Variants in MUC22 observed in about 807,000 individuals in gnomAD.
MUC22 encodes the protein mucin 22.
Under a neutral mutation model 40.3 loss-of-function variants are expected in MUC22, and 24 were observed. The ratio of observed to expected loss-of-function variants is 0.60; its 90% CI spans 0.43 to 0.84. The LOEUF is 0.84. Among genes scored for constraint, MUC22 ranks in the 40% least tolerant of loss-of-function variants. The pLI is 0.00. For synonymous variants in MUC22, 765 were observed against 844.5 expected (o/e 0.91, Z 1.63); for missense variants, 1,926 against 2,130.7 (o/e 0.90, Z 1.89).
At chr6:31,012,439 C>A (rs140166272) in intron 1 of MUC22, among the ~76,000 whole-genome samples, 1 of 152,298 alleles carries the variant, frequency 6.6e-6, no homozygotes, top group East Asian at 1.9e-4. Flanking sequence ...CCAGTCCTAT[C>A]TGTCTGATTT....
intron 1 of MUC22, among the ~76,000 whole-genome samples, chr6:31,016,869 G>A (rs965488630): frequency 6.6e-6 from 1 of 152,162 alleles, no homozygotes; most frequent in Non-Finnish European, 1.5e-5. Context: ...CGTGGCCTCG[G>A]GGGGCCCCAC....
Position 31,011,039 on chromosome 6 carries a change from G to A in MUC22, c.70+263G>A, listed in dbSNP as rs1010034707. Among the ~76,000 whole-genome samples, 2 of 151,988 alleles carry A rather than the reference G, an allele frequency of 1.3e-5. No homozygotes were observed. The highest frequency in any genetic ancestry group is 1.9e-4 in the East Asian group (1 of 5,198). On this transcript the variant is annotated intron_variant, in intron 1 of 3. Transcript: ENST00000561890. The surrounding 1 kb of genome is among the most constrained non-coding windows in gnomAD (Gnocchi z 4.5). Reference sequence around the variant, plus strand: ...AGCACATGTGGTGGGGCGGTGGGGCGGTGCTGGGGAAATGGAGGGGGGTGA... The same window carrying A: ...AGCACATGTGGTGGGGCGGTGGGGCAGTGCTGGGGAAATGGAGGGGGGTGA...
At chr6:31,014,970 AGG>A (rs28381631) in intron 1 of MUC22, among the ~76,000 whole-genome samples, 9,219 of 152,220 alleles carry the variant, frequency 0.061, 350 homozygotes, top group South Asian at 0.12. Context: ...GGCAGAAGAC[AGG>A]AGTGAAGGAA....
chr6:31,026,506 G>A (rs6928038), exon 2 of MUC22: 17,996 of 1,505,848 alleles, frequency 0.012, 2,022 homozygotes, highest in African/African-American at 0.1. Context: ...GACCACTACA[G>A]TCTCTATCAC....
chr6:31,023,379 T>A (rs934223114), intron 1 of MUC22, among the ~76,000 whole-genome samples: 12 of 151,644 alleles, frequency 7.9e-5, no homozygotes, highest in African/African-American at 2.7e-4. Flanking sequence ...TTACAAGAAA[T>A]AAAAATTAAA....
exon 2 of MUC22, chr6:31,025,956 C>T: frequency 6.5e-7 from 1 of 1,534,602 alleles, no homozygotes; most frequent in Non-Finnish European, 8.7e-7. Context: ...TTTCTGAGAC[C>T]ACCATGGCCT....
chr6:31,010,650 A>G (rs1035469105), exon 1 of MUC22: 8 of 701,756 alleles, frequency 1.1e-5, no homozygotes, highest in Non-Finnish European at 2.1e-5. Flanking sequence ...TCTTTGACCT[A>G]TCCTTCCTTT....
upstream of MUC22, among the ~76,000 whole-genome samples, chr6:31,006,584 T>C (rs1367588306): frequency 6.6e-6 from 1 of 152,098 alleles, no homozygotes; most frequent in African/African-American, 2.4e-5. Context: ...TGTGCTTGCG[T>C]AGGGGCAGGG....
intron 1 of MUC22, among the ~76,000 whole-genome samples, chr6:31,021,854 C>A (rs185420195): frequency 2.6e-5 from 4 of 152,094 alleles, no homozygotes; most frequent in African/African-American, 9.7e-5. Flanking sequence ...GGGTCGTTTT[C>A]CACACTGTGG....
In MUC22 at chr6:31,034,779, C is replaced by T. The variant is rs766344061; in HGVS notation, c.5163C>T (p.His1721=). 59 of 1,535,756 alleles carry T rather than the reference C, an allele frequency of 3.8e-5. No homozygotes were observed. The South Asian group carries it at 6.8e-4, about 18-fold the overall frequency. The change falls in exon 4 of 4, where the codon CAC becomes CAT. Residue 1721 remains histidine, a synonymous_variant. Coordinates refer to ENST00000561890, the Ensembl canonical transcript of MUC22. ...TGGGCCTGGGCTCTGGGACATTCCACAGCCTGGGAAATGCACTGGTTCATG... is the reference window on the plus strand; with the variant it reads ...TGGGCCTGGGCTCTGGGACATTCCATAGCCTGGGAAATGCACTGGTTCATG...
chr6:31,011,280 G>GTACAC lies in MUC22; in HGVS notation c.70+505_70+506insACACT, dbSNP rs1241570647. Among the ~76,000 whole-genome samples, 187 of 151,932 alleles carry GTACAC rather than the reference G, an allele frequency of 1.2e-3. 1 individual carries two copies. Among genetic ancestry groups the GTACAC allele is most frequent in the Non-Finnish European group, 1.6e-3 (107 of 67,950 alleles). ...TTTATTGGTGAATTGTGAGACTTTG[G>GTACAC]TGCACCCGTCACCAAGCAGTGTACA... On this transcript the variant is annotated intron_variant, in intron 1 of 3. Coordinates refer to ENST00000561890, the Ensembl canonical transcript of MUC22. The surrounding 1 kb of genome is among the most constrained non-coding windows in gnomAD (Gnocchi z 4.5).
intron 1 of MUC22, 43 bp from the exon 2 acceptor site, chr6:31,025,459 A>G (rs4713419): frequency 0.14 from 195,970 of 1,450,282 alleles, 14,240 homozygotes; most frequent in East Asian, 0.25. Context: ...CTGCAAATTC[A>G]TCTTTAACCC....
At chr6:31,008,237 C>T (rs1352344630), upstream of MUC22, among the ~76,000 whole-genome samples, 1 of 152,218 alleles carries the variant, frequency 6.6e-6, no homozygotes, top group African/African-American at 2.4e-5. Flanking sequence ...TACTTGACTT[C>T]TCCATGGTTT....
chr6:31,007,469 T>C (rs1763591784), upstream of MUC22, among the ~76,000 whole-genome samples: 1 of 152,106 alleles, frequency 6.6e-6, no homozygotes, highest in Non-Finnish European at 1.5e-5. This position sits in a 1 kb window ranked among gnomAD's most constrained non-coding sequence, Gnocchi z 4.0. Context: ...ATATGGAAGG[T>C]ACCATTGAGA....
At position 31,026,116 on chromosome 6, in the gene MUC22, T is replaced by C. The variant is rs1562601703; in HGVS notation, c.685T>C (p.Ser229Pro). 5 of 1,530,828 alleles carry C rather than the reference T, an allele frequency of 3.3e-6. No individual in the cohort carries two copies. The South Asian group carries it at 6.0e-5, about 18-fold the overall frequency. The allele number at this position is 1,530,828 out of a possible 1,614,324, so 94.8% of individuals were successfully genotyped here. A position where few individuals can be genotyped will look rare whatever the true frequency, so the allele number is the denominator to read the frequency against. Reference sequence around the variant, plus strand: ...TGCAGGTTCTGAGACCACCACTACCTCCACCTCCATGGCAGGCTCTGAGGC... The same window carrying C: ...TGCAGGTTCTGAGACCACCACTACCCCCACCTCCATGGCAGGCTCTGAGGC... The change falls in exon 2 of 4, where the codon TCC becomes CCC. Residue 229 changes from serine (S) to proline (P), a missense_variant. This residue lies in a region of MUC22 where 1,281 missense variants were observed against 1,337.8 expected (regional missense o/e 0.96). Transcript: ENST00000561890.
At position 31,011,317 on chromosome 6, in the gene MUC22, C is replaced by A. The variant is rs1763856958; in HGVS notation, c.70+541C>A. Among the ~76,000 whole-genome samples the A allele has an allele frequency of 6.6e-6, 1 of 152,122 alleles. No homozygotes were observed. The highest frequency in any genetic ancestry group is 1.5e-5 in the Non-Finnish European group (1 of 68,024). ...CCAAGCAGTGTACACCGCACCCACC[C>A]TATCTGTAGTCTTTTATCTCTCGTG... On this transcript the variant is annotated intron_variant, in intron 1 of 3. Transcript: ENST00000561890. This position sits in a 1 kb window ranked among gnomAD's most constrained non-coding sequence, Gnocchi z 4.5.
At chr6:31,027,941 C>T (rs1233924114) in exon 2 of MUC22, 1 of 1,534,916 alleles carries the variant, frequency 6.5e-7, no homozygotes, top group African/African-American at 1.4e-5. Context: ...GGGACCACTG[C>T]AGCCTCCACT....
chr6:31,027,257 C>G, exon 2 of MUC22: 1 of 1,511,218 alleles, frequency 6.6e-7, no homozygotes, highest in Non-Finnish European at 8.9e-7. Context: ...ACCACAGCCT[C>G]CATCATGGGC....
At position 31,027,301 on chromosome 6, in the gene MUC22, G is replaced by A. The variant is rs62399441; in HGVS notation, c.1870G>A (p.Glu624Lys). 3.2e-5 allele frequency: 39 copies of A among 1,207,914 alleles called. 9 individuals are homozygous for A. Among genetic ancestry groups the A allele is most frequent in the South Asian group, 1.4e-4 (9 of 65,516 alleles). The allele number at this position is 1,207,914 out of a possible 1,614,324, so 74.8% of individuals were successfully genotyped here. A position where few individuals can be genotyped will look rare whatever the true frequency, so the allele number is the denominator to read the frequency against. Residue 624 changes from glutamate (E) to lysine (K), a missense_variant, in exon 2 of 4, where the codon GAG becomes AAG. Around this residue, in one of 3 missense-constraint regions of MUC22, gnomAD observed 1,281 missense variants for 1,337.8 expected, o/e 0.96. Transcript: ENST00000561890. ...CAGCACAGATTCTACCACAGGCTCTGAGACCACCACAGCCTCTACTGAAGG... is the reference window on the plus strand; with the variant it reads ...CAGCACAGATTCTACCACAGGCTCTAAGACCACCACAGCCTCTACTGAAGG...
Sources: gnomAD v4.1 joint callset for allele counts (sites outside exome capture counted in the v4.1 genomes callset) on GRCh38, gnomAD v4.1.1 for gene constraint, gnomAD v4.1.1 regional missense constraint, Gnocchi (gnomAD v3.1) non-coding constraint, MANE v1.5 for transcripts, NCBI Gene and HGNC (gene_info 2026-07-23, HGNC 2026-07-21) for gene names.